ADGB: variants seen among roughly 807,000 people sequenced by gnomAD.
The protein encoded by ADGB is calpain-7-like protein.
Under a neutral mutation model 210.5 loss-of-function variants are expected in ADGB, and 172 were observed. That is an observed-to-expected ratio of 0.82 (90% CI 0.72 to 0.93). ADGB has a LOEUF of 0.93. ADGB is among the 40% of genes least tolerant of loss of function. The probability of loss-of-function intolerance (pLI) is 0.00; values close to 1 mark genes in which losing one functional copy is unlikely to be tolerated. For missense variants in ADGB, 2,025 were observed against 1,964.8 expected, an observed-to-expected ratio of 1.03 and a Z score of -0.58; for synonymous variants, 658 against 662.7, an observed-to-expected ratio of 0.99 and a Z score of 0.11.
intron 23 of ADGB, among the ~76,000 whole-genome samples, chr6:146,740,087 C>T (rs1777141813): frequency 6.6e-6 from 1 of 152,188 alleles, no homozygotes; most frequent in Non-Finnish European, 1.5e-5. Context: ...ATTCCAGGCC[C>T]TTCAGTGACT....
intron 29 of ADGB, 25 bp from the exon 30 acceptor site, chr6:146,781,995 A>T: frequency 7.0e-7 from 1 of 1,425,966 alleles, no homozygotes; most frequent in Non-Finnish European, 9.2e-7. Flanking sequence ...ATGACTCACC[A>T]TTTTTTATTT....
chr6:146,699,311 G>GT (rs947224465), intron 12 of ADGB, among the ~76,000 whole-genome samples: 10 of 152,244 alleles, frequency 6.6e-5, no homozygotes, highest in African/African-American at 2.4e-4. Context: ...AGCTGATGGT[G>GT]TAACTCTCAG....
At chr6:146,617,449 G>A (rs1276812865) in intron 1 of ADGB, among the ~76,000 whole-genome samples, 1 of 151,804 alleles carries the variant, frequency 6.6e-6, no homozygotes, top group African/African-American at 2.4e-5. Context: ...TGCCTAATTG[G>A]TTTGGCTAGG....
chr6:146,716,821 T>C (rs1410183108), intron 14 of ADGB, 62 bp from the exon 15 acceptor site: 2 of 1,402,106 alleles, frequency 1.4e-6, no homozygotes, highest in Non-Finnish European at 1.9e-6. Context: ...TTTATCATTT[T>C]ACATATTTCA....
At chr6:146,793,945 T>C (rs957395490) in intron 33 of ADGB, among the ~76,000 whole-genome samples, 14 of 152,194 alleles carry the variant, frequency 9.2e-5, no homozygotes, top group African/African-American at 3.1e-4. Flanking sequence ...GGATAGATTT[T>C]GTTATTTCTT....
At chr6:146,647,097 AC>A (rs68105227) in intron 3 of ADGB, among the ~76,000 whole-genome samples, 42,517 of 136,208 alleles carry the variant, frequency 0.31, 7,901 homozygotes, top group Middle Eastern at 0.43. Flanking sequence ...TCAAAAAAAA[AC>A]AAAAAACAAA....
intron 22 of ADGB, among the ~76,000 whole-genome samples, chr6:146,735,191 T>C (rs1230146770): frequency 6.6e-6 from 1 of 152,192 alleles, no homozygotes; most frequent in Non-Finnish European, 1.5e-5. Context: ...TTACAAAACA[T>C]ATGCATTCGT....
intron 26 of ADGB, 51 bp downstream of exon 26, chr6:146,746,160 T>A (rs1562290686): frequency 7.8e-7 from 1 of 1,283,026 alleles, no homozygotes; most frequent in Non-Finnish European, 1.1e-6. Flanking sequence ...AATATTAATA[T>A]TTTAGGATAA....
At chr6:146,711,882 A>C (rs879300727) in intron 13 of ADGB, among the ~76,000 whole-genome samples, 84 of 152,058 alleles carry the variant, frequency 5.5e-4, no homozygotes, top group African/African-American at 1.7e-3. Flanking sequence ...AAACAAAAAA[A>C]AACAACAACA....
intron 27 of ADGB, among the ~76,000 whole-genome samples, chr6:146,760,458 A>G (rs1035657576): frequency 6.6e-6 from 1 of 151,822 alleles, no homozygotes; most frequent in Non-Finnish European, 1.5e-5. Context: ...TATGTTTCTG[A>G]GTATTAATTC....
At chr6:146,785,377 T>C (rs1388211144) in intron 31 of ADGB, among the ~76,000 whole-genome samples, 2 of 152,160 alleles carry the variant, frequency 1.3e-5, no homozygotes, top group African/African-American at 4.8e-5. Flanking sequence ...AGAAATGTAT[T>C]CTTTTTAGGG....
chr6:146,762,226 A>G (rs989432529), intron 27 of ADGB, among the ~76,000 whole-genome samples: 3 of 151,708 alleles, frequency 2.0e-5, no homozygotes, highest in African/African-American at 7.3e-5. Context: ...AAGTTTTTTC[A>G]CTCTGTGGTT....
intron 21 of ADGB, 28 bp from the exon 22 acceptor site, chr6:146,733,857 TAACTTTCA>T: frequency 1.3e-6 from 2 of 1,550,698 alleles, no homozygotes; most frequent in Non-Finnish European, 1.7e-6. Context: ...GGATTAAATA[TAACTTTCA>T]GTCCAAAGTT....
At chr6:146,803,632 T>C in intron 35 of ADGB, 2 of 1,339,302 alleles carry the variant, frequency 1.5e-6, no homozygotes, top group Non-Finnish European at 2.1e-6. Context: ...GATCTTTTTT[T>C]CTAGGAAGAT....
intron 2 of ADGB, among the ~76,000 whole-genome samples, chr6:146,640,275 A>G (rs1775487231): frequency 6.6e-6 from 1 of 151,942 alleles, no homozygotes; most frequent in South Asian, 2.1e-4. Flanking sequence ...TAAAGGGCCT[A>G]CCAACCAAAC....
chr6:146,692,225 C>T (rs1428550591), intron 11 of ADGB, among the ~76,000 whole-genome samples: 1 of 151,962 alleles, frequency 6.6e-6, no homozygotes, highest in Admixed American at 6.6e-5. Flanking sequence ...TAATAATCAC[C>T]CCTAATGTTT....
chr6:146,798,638 C>T (rs546691071), intron 33 of ADGB, among the ~76,000 whole-genome samples: 2 of 151,046 alleles, frequency 1.3e-5, no homozygotes, highest in Admixed American at 6.6e-5. Context: ...CTGTATTCTC[C>T]GACAACACTC....
chr6:146,807,231 T>A (rs1248439960), intron 35 of ADGB, among the ~76,000 whole-genome samples: 1 of 152,246 alleles, frequency 6.6e-6, no homozygotes, highest in East Asian at 1.9e-4. Context: ...TTTGTTGCTA[T>A]GTTTTGTGTA....
At position 146,701,047 on chromosome 6, in the gene ADGB, C is replaced by A. The variant is rs201898838; in HGVS notation, c.1684C>A (p.Gln562Lys). 2.1e-4 allele frequency: 330 copies of A among 1,550,462 alleles called. No homozygotes were observed. Among genetic ancestry groups the A allele is most frequent in the Non-Finnish European group, 2.7e-4 (315 of 1,146,378 alleles). ...TATHSQTDLS[Q>K]ITKATSQGNT... ...AACACATAGCCAGACAGACTTGAGT[C>A]AAATAACAAAAGCTACATCTCAGGT... is the stretch of plus-strand genomic sequence containing the variant. Residue 562 changes from glutamine (Q) to lysine (K), a missense_variant, in exon 13 of 36, where the codon CAA becomes AAA. By Grantham distance (53) the Gln-to-Lys change is moderately conservative (BLOSUM62 1). Transcript: ENST00000397944.
Sources: allele counts gnomAD v4.1 joint callset (sites outside exome capture counted in the v4.1 genomes callset), GRCh38; gene constraint gnomAD v4.1.1; transcripts MANE v1.5; gene names NCBI Gene and HGNC (gene_info 2026-07-23, HGNC 2026-07-21).